ADAMTS5: variants seen among roughly 807,000 people sequenced by gnomAD.
The protein encoded by ADAMTS5 is A disintegrin and metalloproteinase with thrombospondin motifs 5.
Under a neutral mutation model 81.4 loss-of-function variants are expected in ADAMTS5, and 54 were observed. The ratio of observed to expected loss-of-function variants is 0.66; its 90% CI spans 0.53 to 0.83. The LOEUF (loss-of-function observed/expected upper bound fraction) is 0.83. Ranked by LOEUF, ADAMTS5 falls within the 40% of genes least tolerant of loss-of-function variation. The pLI is 0.00. For missense variants in ADAMTS5, 1,194 were observed against 1,229.9 expected (o/e 0.97, Z 0.44); for synonymous variants, 532 against 508.8 (o/e 1.05, Z -0.61).
Position 26,966,318 on chromosome 21 carries a change from G to T in ADAMTS5, c.74C>A (p.Thr25Lys), listed in dbSNP as rs1189317028. The T allele has an allele frequency of 3.3e-6, 5 of 1,516,794 alleles. No homozygotes were observed. The allele number at this position is 1,516,794 out of a possible 1,614,324, so 94.0% of individuals were successfully genotyped here. The change falls in exon 1 of 8, where the codon ACA becomes AAA. Residue 25 changes from threonine to lysine, a missense_variant. Transcript: ENST00000284987. ...LPLAAVGPAA[T>K]PAQDKAGQPP... ...CTGCCCGGCTTTATCCTGGGCAGGTGTCGCGGCGGGGCCGACCGCGGCCAG... is the reference window on the plus strand; with the variant it reads ...CTGCCCGGCTTTATCCTGGGCAGGTTTCGCGGCGGGGCCGACCGCGGCCAG...
At chr21:26,964,262 G>A (rs925083400) in intron 1 of ADAMTS5, among the ~76,000 whole-genome samples, 2 of 152,192 alleles carry the variant, frequency 1.3e-5, no homozygotes, top group African/African-American at 4.8e-5. Context: ...CTGAGGCTTA[G>A]AACTATGCGC....
In ADAMTS5 at chr21:26,922,375, A is replaced by G. The variant is rs1192326244; in HGVS notation, c.*1678T>C. The G allele has an allele frequency of 6.6e-6, 1 of 152,122 alleles. No homozygotes were observed. Among genetic ancestry groups the G allele is most frequent in the African/African-American group, 2.4e-5 (1 of 41,450 alleles). 9.4% of individuals were successfully genotyped at this position (152,122 alleles called of 1,614,324 possible). A position where few individuals can be genotyped will look rare whatever the true frequency, so the allele number is the denominator to read the frequency against. On this transcript the variant is annotated 3_prime_UTR_variant, in exon 8 of 8. Coordinates refer to ENST00000284987, the MANE Select transcript of ADAMTS5 (RefSeq NM_007038.5). The stretch of plus-strand genomic sequence containing the variant: ...TACATAATTCTTTTATATTAAAAAC[A>G]TCTTATAATAAAAATAAACTCTCAT...
At chr21:26,934,317 G>T (rs987203340) in intron 4 of ADAMTS5, 149 bp downstream of exon 4, 1 of 1,004,136 alleles carries the variant, frequency 1.0e-6, no homozygotes, top group Non-Finnish European at 1.4e-6. Context: ...TGGCTACTGC[G>T]GGTAAAAGAA....
At position 26,965,986 on chromosome 21, in the gene ADAMTS5, CTG is replaced by C; in HGVS notation, c.404_405del (p.Thr135SerfsTer4). 6.2e-7 allele frequency: 1 copy of C among 1,613,200 alleles called. No homozygotes were observed. The highest frequency in any genetic ancestry group is 8.5e-7 in the Non-Finnish European group (1 of 1,179,812). On this transcript the variant is annotated frameshift_variant, in exon 1 of 8. Coordinates refer to ENST00000284987, the MANE Select transcript of ADAMTS5 (RefSeq NM_007038.5). LOFTEE classifies it high-confidence loss of function. ...GCCAGAGAGCGGGGACTACCGTCCA[CTG>C]TGCCCCGATAGAAGCAGTGGCTCCG... ...RHRSHCFYRG[T>X]VDGSPRSLAV... is the part of the protein sequence containing the mutation.
Position 26,932,164 on chromosome 21 carries a change from T to A in ADAMTS5, c.1889A>T (p.His630Leu), listed in dbSNP as rs372934113. Residue 630 changes from histidine to leucine, a missense_variant, in exon 6 of 8, where the codon CAT becomes CTT. His to Leu is a moderately conservative substitution (Grantham distance 99). This residue lies in a region of ADAMTS5 where 696 missense variants were observed against 817.6 expected (regional missense o/e 0.85). Coordinates refer to ENST00000284987, the MANE Select transcript of ADAMTS5 (RefSeq NM_007038.5). ...PCPPNGKSFR[H>L]EQCEAKNGYQ... ...GCCATTTTTGGCCTCACACTGTTCATGACGAAATGATTTACCTAGAAAACA... is the reference window on the plus strand; with the variant it reads ...GCCATTTTTGGCCTCACACTGTTCAAGACGAAATGATTTACCTAGAAAACA... 1 of 1,613,538 alleles carries A rather than the reference T, an allele frequency of 6.2e-7. No individual in the cohort carries two copies. Among genetic ancestry groups the A allele is most frequent in the Non-Finnish European group, 8.5e-7 (1 of 1,179,732 alleles).
In ADAMTS5 at chr21:26,966,218, G is replaced by T. The variant is rs1253402808; in HGVS notation, c.174C>A (p.Pro58=). The change falls in exon 1 of 8, where the codon CCC becomes CCA. Residue 58 remains proline (P), a synonymous_variant. Coordinates refer to ENST00000284987, the MANE Select transcript of ADAMTS5 (RefSeq NM_007038.5). ...GCTGCGCCAGGGGGTGCGGGTGGCCGGGAGGCTCGGCTCGCTCCTGCACCT... is the reference window on the plus strand; with the variant it reads ...GCTGCGCCAGGGGGTGCGGGTGGCCTGGAGGCTCGGCTCGCTCCTGCACCT... ...GEEVQERAEP[P]GHPHPLAQRR... is the part of the protein sequence containing the mutation. The T allele has an allele frequency of 1.9e-6, 3 of 1,598,612 alleles. No homozygotes were observed. The highest frequency in any genetic ancestry group is 1.7e-4 in the Middle Eastern group (1 of 5,970).
chr21:26,927,501 C>T (rs1986825318), intron 7 of ADAMTS5, among the ~76,000 whole-genome samples: 2 of 152,180 alleles, frequency 1.3e-5, no homozygotes, highest in South Asian at 4.1e-4. Context: ...ACAGCATTCT[C>T]ATACCTGGTG....
chr21:26,927,273 G>A (rs182182655), intron 7 of ADAMTS5, among the ~76,000 whole-genome samples: 2 of 152,202 alleles, frequency 1.3e-5, no homozygotes, highest in East Asian at 1.9e-4. Flanking sequence ...GTTTTAGTCC[G>A]CTCCCAGCAA....
intron 1 of ADAMTS5, among the ~76,000 whole-genome samples, chr21:26,955,541 T>C (rs1705496567): frequency 2.0e-5 from 3 of 152,178 alleles, no homozygotes; most frequent in South Asian, 2.1e-4. Flanking sequence ...TAAAAAGTCA[T>C]AGTTTTTCAT....
At chr21:26,951,174 T>C (rs1987309137) in intron 2 of ADAMTS5, among the ~76,000 whole-genome samples, 1 of 152,236 alleles carries the variant, frequency 6.6e-6, no homozygotes, top group Non-Finnish European at 1.5e-5. Flanking sequence ...AGGAAACAGT[T>C]GTGCGTTTCC....
intron 1 of ADAMTS5, among the ~76,000 whole-genome samples, chr21:26,958,342 G>A (rs769849189): frequency 6.6e-6 from 1 of 151,984 alleles, no homozygotes; most frequent in Non-Finnish European, 1.5e-5. Context: ...GGCAAGCATG[G>A]AGCTCAAGGG....
At position 26,918,154 on chromosome 21, in the gene ADAMTS5, T is replaced by C. The variant is rs965171606; in HGVS notation, c.*5899A>G. On this transcript the variant is annotated 3_prime_UTR_variant, in exon 8 of 8. Transcript: ENST00000284987. ...AATGCTTTAAATAGTTGATTAAGAT[T>C]TGAAGGTTGCCAAAGCTGAGAGACA... 1.3e-5 allele frequency: 2 copies of C among 152,402 alleles called. No individual in the cohort carries two copies. Among genetic ancestry groups the C allele is most frequent in the African/African-American group, 4.8e-5 (2 of 41,430 alleles). 9.4% of individuals were successfully genotyped at this position (152,402 alleles called of 1,614,324 possible). A position where few individuals can be genotyped will look rare whatever the true frequency, so the allele number is the denominator to read the frequency against.
At position 26,965,972 on chromosome 21, in the gene ADAMTS5, G is replaced by C. The variant is rs1414140168; in HGVS notation, c.420C>G (p.Pro140=). 6.2e-7 allele frequency: 1 copy of C among 1,613,204 alleles called. No individual in the cohort carries two copies. Among genetic ancestry groups the C allele is most frequent in the Non-Finnish European group, 8.5e-7 (1 of 1,179,864 alleles). Residue 140 remains proline (P), a synonymous_variant, in exon 1 of 8, where the codon CCC becomes CCG. Coordinates refer to ENST00000284987, the MANE Select transcript of ADAMTS5 (RefSeq NM_007038.5). Reference sequence around the variant, plus strand: ...AGAGGTCAAAGACAGCCAGAGAGCGGGGACTACCGTCCACTGTGCCCCGAT... The same window carrying C: ...AGAGGTCAAAGACAGCCAGAGAGCGCGGACTACCGTCCACTGTGCCCCGAT... The part of the protein sequence containing the change: ...CFYRGTVDGS[P]RSLAVFDLCG...
At chr21:26,948,801 G>A (rs1830906470) in intron 2 of ADAMTS5, among the ~76,000 whole-genome samples, 2 of 152,058 alleles carry the variant, frequency 1.3e-5, no homozygotes, top group South Asian at 2.1e-4. Flanking sequence ...AGTAAAAACT[G>A]TCTAAAAAAA....
At chr21:26,947,579 G>A (rs1424421606) in intron 2 of ADAMTS5, among the ~76,000 whole-genome samples, 4 of 151,848 alleles carry the variant, frequency 2.6e-5, no homozygotes, top group Admixed American at 6.6e-5. Flanking sequence ...CAGTACAGGC[G>A]CACACCACCA....
chr21:26,934,877 G>A, intron 3 of ADAMTS5, 128 bp from the exon 4 acceptor site: 2 of 1,259,104 alleles, frequency 1.6e-6, no homozygotes, highest in Non-Finnish European at 2.2e-6. Context: ...GTAGTGTAAT[G>A]CTCTGGAGAG....
At chr21:26,945,538 T>C (rs1392331632) in intron 2 of ADAMTS5, among the ~76,000 whole-genome samples, 2 of 152,126 alleles carry the variant, frequency 1.3e-5, no homozygotes, top group Non-Finnish European at 2.9e-5. Context: ...TTTCACTTCA[T>C]TTGGAGGGTA....
At chr21:26,964,737 A>C (rs1278953714) in intron 1 of ADAMTS5, among the ~76,000 whole-genome samples, 1 of 152,208 alleles carries the variant, frequency 6.6e-6, no homozygotes, top group Non-Finnish European at 1.5e-5. Flanking sequence ...TAGGAATCCA[A>C]CCTGGAAAAA....
chr21:26,924,311 G>T lies in ADAMTS5; in HGVS notation c.2535C>A (p.Val845=), dbSNP rs753130985. The T allele has an allele frequency of 1.9e-6, 3 of 1,614,186 alleles. No individual in the cohort carries two copies. The highest frequency in any genetic ancestry group is 2.5e-6 in the Non-Finnish European group (3 of 1,180,034). ...TCTTGGGAACAAAAAAGCTATAACG[G>T]ACATCTAATGGTTTAGTGGGGTCTG... ...LATDPTKPLD[V]RYSFFVPKKS... Residue 845 remains valine, a synonymous_variant, in exon 8 of 8, where the codon GTC becomes GTA. Coordinates refer to ENST00000284987, the MANE Select transcript of ADAMTS5 (RefSeq NM_007038.5).
Sources: gnomAD v4.1 joint callset for allele counts (sites outside exome capture counted in the v4.1 genomes callset) on GRCh38, gnomAD v4.1.1 for gene constraint, gnomAD v4.1.1 regional missense constraint, MANE v1.5 for transcripts, NCBI Gene and HGNC (gene_info 2026-07-23, HGNC 2026-07-21) for gene names.